MAPT: variants seen among roughly 807,000 people sequenced by gnomAD.
MAPT encodes the protein microtubule associated protein tau.
A neutral mutation model predicts 67.9 loss-of-function variants in MAPT; 34 were observed. That is an observed-to-expected ratio of 0.50 (90% CI 0.38 to 0.67). The LOEUF (loss-of-function observed/expected upper bound fraction) is 0.67. Ranked by LOEUF, MAPT falls within the 30% of genes least tolerant of loss-of-function variation. The pLI is 0.00. For missense variants in MAPT, 881 were observed against 1,115.2 expected (o/e 0.79, Z 2.99); for synonymous variants, 456 against 464.5 (o/e 0.98, Z 0.23).
At chr17:46,022,642 A>ACCGTGTG (rs1281522787) in intron 12 of MAPT, among the ~76,000 whole-genome samples, 1 of 152,158 alleles carries the variant, frequency 6.6e-6, no homozygotes, top group East Asian at 1.9e-4. Context: ...GCTGAGAATG[A>ACCGTGTG]CCGTGTCGGC....
intron 1 of MAPT, among the ~76,000 whole-genome samples, chr17:45,947,481 G>A (rs113085747): frequency 2.0e-5 from 3 of 149,936 alleles, no homozygotes; most frequent in African/African-American, 7.4e-5. Context: ...ACCACCTCCC[G>A]GGTTTAAGCA....
At chr17:45,983,951 C>G (rs113608413) in intron 5 of MAPT, 21 bp downstream of exon 5, 1 of 1,527,684 alleles carries the variant, frequency 6.5e-7, no homozygotes, top group Non-Finnish European at 8.8e-7. Context: ...TGAGCTTCTT[C>G]GCTCCTTCCC....
intron 1 of MAPT, among the ~76,000 whole-genome samples, chr17:45,907,131 G>A (rs976545667): frequency 5.9e-5 from 9 of 152,064 alleles, no homozygotes; most frequent in African/African-American, 1.4e-4. Context: ...CTGCCTGCCC[G>A]GGTCCCCACA....
chr17:45,960,841 C>CA lies in MAPT; in HGVS notation c.-17-1463dup, dbSNP rs58287898. On this transcript the variant is annotated intron_variant, in intron 1 of 12. Transcript: ENST00000262410. ...TTTATCCTGGATTATTCACAGGGGC[C>CA]AAAAAAAAAAAAAAAAATTCAGGCC... Among the ~76,000 whole-genome samples, 163 of 142,494 alleles carry CA rather than the reference C, an allele frequency of 1.1e-3. 1 individual carries two copies. Among genetic ancestry groups the CA allele is most frequent in the African/African-American group, 3.9e-3 (148 of 37,882 alleles). 93.5% of individuals were successfully genotyped at this position (142,494 alleles called of 152,430 possible). A position where few individuals can be genotyped will look rare whatever the true frequency, so the allele number is the denominator to read the frequency against.
chr17:45,974,093 C>G (rs1479622798), intron 3 of MAPT: 1 of 496,642 alleles, frequency 2.0e-6, no homozygotes, highest in African/African-American at 1.9e-5. Context: ...TTTAAAATGC[C>G]TGGGGCCATG....
chr17:45,974,115 G>T lies in MAPT; in HGVS notation c.220+2170G>T, dbSNP rs909664527. The T allele has an allele frequency of 1.5e-5, 8 of 537,984 alleles. No homozygotes were observed. The African/African-American group carries it at 1.5e-4, about 10-fold the overall frequency. 33.3% of individuals were successfully genotyped at this position (537,984 alleles called of 1,614,324 possible). Reference sequence around the variant, plus strand: ...TGCCTGGGGCCATGCCCAGCAGTCTGTTTCACTGCAGCGTTTACACAGGGC... The same window carrying T: ...TGCCTGGGGCCATGCCCAGCAGTCTTTTTCACTGCAGCGTTTACACAGGGC... On this transcript the variant is annotated intron_variant, in intron 3 of 12. Coordinates refer to ENST00000262410, the MANE Select transcript of MAPT (RefSeq NM_001377265.1).
In MAPT at chr17:45,909,869, C is replaced by CAAAAAA. The variant is rs59131080; in HGVS notation, c.-18+15202_-18+15207dup. Among the ~76,000 whole-genome samples, 131 of 59,854 alleles carry CAAAAAA rather than the reference C, an allele frequency of 2.2e-3. 4 individuals carry two copies. Among genetic ancestry groups the CAAAAAA allele is most frequent in the Middle Eastern group, 0.013 (1 of 80 alleles). The allele number at this position is 59,854 out of a possible 152,430, so 39.3% of individuals were successfully genotyped here. On this transcript the variant is annotated intron_variant, in intron 1 of 12. Coordinates refer to ENST00000262410, the MANE Select transcript of MAPT (RefSeq NM_001377265.1). The stretch of plus-strand genomic sequence containing the variant: ...TGGTTGACAGAGCAAGACTCTGTCT[C>CAAAAAA]AAAAAAAAAAAAAAAAAAAAAAAAG...
At chr17:45,934,427 T>C (rs2067134666) in intron 1 of MAPT, among the ~76,000 whole-genome samples, 1 of 152,218 alleles carries the variant, frequency 6.6e-6, no homozygotes, top group Non-Finnish European at 1.5e-5. Context: ...GTTACGCATG[T>C]GTGTATTTTT....
intron 1 of MAPT, among the ~76,000 whole-genome samples, chr17:45,949,047 CTT>C (rs1237831675): frequency 1.3e-5 from 2 of 152,238 alleles, no homozygotes; most frequent in Non-Finnish European, 2.9e-5. Context: ...AAAAGTCACT[CTT>C]TTAAAATGTT....
At position 45,983,840 on chromosome 17, in the gene MAPT, A is replaced by G. The variant is rs774096832; in HGVS notation, c.1261A>G (p.Thr421Ala). ...EARGPSLGED[T>A]KEADLPEPSE... ...CCGGGGCCCCTCTTTGGGAGAGGAC[A>G]CAAAAGAGGCTGACCTTCCAGAGCC... Residue 421 changes from threonine (T) to alanine (A), a missense_variant, in exon 5 of 13, where the codon ACA becomes GCA. Physicochemically the swap from Thr to Ala is moderately conservative, Grantham distance 58. Around this residue, in one of 6 missense-constraint regions of MAPT, gnomAD observed 687 missense variants for 766.1 expected, o/e 0.90. Transcript: ENST00000262410. The G allele has an allele frequency of 5.0e-6, 8 of 1,610,952 alleles. No homozygotes were observed.
At chr17:45,932,117 C>G (rs1301098798) in intron 1 of MAPT, 1 of 151,906 alleles carries the variant, frequency 6.6e-6, no homozygotes, top group East Asian at 1.9e-4. Flanking sequence ...CACAAAAACT[C>G]CAGGTGGTCG....
At chr17:45,942,467 G>A (rs559857590) in intron 1 of MAPT, among the ~76,000 whole-genome samples, 22 of 152,354 alleles carry the variant, frequency 1.4e-4, no homozygotes, top group African/African-American at 5.0e-4. Flanking sequence ...GGGGCACCAC[G>A]TGTCGTGGGT....
chr17:45,929,607 G>A (rs1476028678), intron 1 of MAPT, among the ~76,000 whole-genome samples: 2 of 152,154 alleles, frequency 1.3e-5, no homozygotes, highest in Non-Finnish European at 2.9e-5. Context: ...CCAGGCTTGT[G>A]TCCTGTTTAG....
chr17:45,956,908 C>T (rs2069794867), intron 1 of MAPT, among the ~76,000 whole-genome samples: 1 of 151,796 alleles, frequency 6.6e-6, no homozygotes, highest in African/African-American at 2.4e-5. Context: ...TCATCCATGT[C>T]CCTACAAAGG....
chr17:45,993,904 C>T (rs1211167417), intron 8 of MAPT: 8 of 1,558,924 alleles, frequency 5.1e-6, no homozygotes, highest in Middle Eastern at 1.7e-4. Flanking sequence ...ATAAGGCTTT[C>T]GTGGATTTTT....
intron 12 of MAPT, among the ~76,000 whole-genome samples, chr17:46,020,688 G>A (rs1375642740): frequency 6.6e-6 from 1 of 152,076 alleles, no homozygotes; most frequent in African/African-American, 2.4e-5. Context: ...TTGTGCAGGG[G>A]AACTCCCCTT....
In MAPT at chr17:45,897,794, G is replaced by A. The variant is rs2063359162; in HGVS notation, c.-18+3108G>A. ...CAGCGACTGCCTAGCTCACCCCTCT[G>A]CGTGCTCAGGCTCCAGGCTCAGCAG... On this transcript the variant is annotated intron_variant, in intron 1 of 12. Transcript: ENST00000262410. This position sits in a 1 kb window ranked among gnomAD's most constrained non-coding sequence, Gnocchi z 5.0. 1 of 152,622 alleles carries A rather than the reference G, an allele frequency of 6.6e-6. No homozygotes were observed. The highest frequency in any genetic ancestry group is 1.5e-5 in the Non-Finnish European group (1 of 68,438). The allele number at this position is 152,622 out of a possible 1,614,324, so 9.5% of individuals were successfully genotyped here. A position where few individuals can be genotyped will look rare whatever the true frequency, so the allele number is the denominator to read the frequency against.
chr17:45,951,701 C>A (rs996648704), intron 1 of MAPT, among the ~76,000 whole-genome samples: 2 of 152,216 alleles, frequency 1.3e-5, no homozygotes, highest in East Asian at 3.9e-4. Flanking sequence ...CCCCGCCCCC[C>A]GGGCCTCAAT....
intron 1 of MAPT, among the ~76,000 whole-genome samples, chr17:45,934,813 G>T (rs1205583126): frequency 6.6e-6 from 1 of 152,122 alleles, no homozygotes; most frequent in East Asian, 1.9e-4. Flanking sequence ...CTGTTGCCTT[G>T]TCTGCAAAGT....
Sources: allele counts gnomAD v4.1 joint callset (sites outside exome capture counted in the v4.1 genomes callset), GRCh38; gene constraint gnomAD v4.1.1; regional missense constraint gnomAD v4.1.1; non-coding constraint Gnocchi (gnomAD v3.1); transcripts MANE v1.5; gene names NCBI Gene and HGNC (gene_info 2026-07-23, HGNC 2026-07-21).